Variants in LAMA2 observed in about 807,000 individuals in gnomAD.
The protein encoded by LAMA2 is laminin subunit alpha 2.
LAMA2 carries 269 observed loss-of-function variants against 364.8 expected under a neutral mutation model. The observed-to-expected ratio is 0.74, with a 90% CI of 0.67 to 0.82. The LOEUF (loss-of-function observed/expected upper bound fraction) is 0.82, where lower values mean the gene tolerates loss of function less well. Ranked by LOEUF, LAMA2 falls within the 40% of genes least tolerant of loss-of-function variation. The pLI is 0.00. For synonymous variants in LAMA2, 1,379 were observed against 1,370.6 expected (o/e 1.01, Z -0.14); for missense variants, 3,807 against 3,873.2 (o/e 0.98, Z 0.45).
chr6:129,190,151 C>T lies in LAMA2; in HGVS notation c.1468-54C>T, dbSNP rs954194356. On this transcript the variant is annotated intron_variant, in intron 10 of 64. Coordinates refer to ENST00000421865, the MANE Select transcript of LAMA2 (RefSeq NM_000426.4). ...TATTTTCCTTATACAGACATGGACG[C>T]AGCTCATAATGTTGAAGGATACCTC... The T allele has an allele frequency of 5.6e-5, 88 of 1,570,930 alleles. No homozygotes were observed. The African/African-American group carries it at 8.9e-4, about 16-fold the overall frequency.
At chr6:129,303,281 C>T (rs1167335415) in intron 22 of LAMA2, among the ~76,000 whole-genome samples, 2 of 152,036 alleles carry the variant, frequency 1.3e-5, no homozygotes, top group East Asian at 3.8e-4. Flanking sequence ...TATTTTTATA[C>T]CTTATCCTTC....
chr6:129,457,044 A>G (rs1270376797), intron 48 of LAMA2, among the ~76,000 whole-genome samples: 6 of 152,152 alleles, frequency 3.9e-5, no homozygotes, highest in African/African-American at 1.4e-4. Context: ...CCTTTTAAAG[A>G]AGCTTGTGTT....
chr6:129,136,064 C>G (rs1220777559), intron 4 of LAMA2, among the ~76,000 whole-genome samples: 1 of 151,688 alleles, frequency 6.6e-6, no homozygotes, highest in Non-Finnish European at 1.5e-5. Context: ...GGGAAATTTG[C>G]ATTTAGTAAT....
At position 129,030,575 on chromosome 6, in the gene LAMA2, G is replaced by C. The variant is rs1055691087; in HGVS notation, c.113-19343G>C. On this transcript the variant is annotated intron_variant, in intron 1 of 64. Transcript: ENST00000421865. ...TTTGTTGGAAGACTCAAGGGATAAAGTGAAAATGCTTTGTAGAGTTCAGTG... is the reference window on the plus strand; with the variant it reads ...TTTGTTGGAAGACTCAAGGGATAAACTGAAAATGCTTTGTAGAGTTCAGTG... Among the ~76,000 whole-genome samples, 4 of 152,152 alleles carry C rather than the reference G, an allele frequency of 2.6e-5. No individual in the cohort carries two copies. The East Asian group carries it at 5.8e-4, about 22-fold the overall frequency.
chr6:128,884,841 C>G (rs183011906), intron 1 of LAMA2, among the ~76,000 whole-genome samples: 24 of 152,202 alleles, frequency 1.6e-4, no homozygotes, highest in African/African-American at 5.8e-4. Flanking sequence ...AAATGAGGGG[C>G]CAGGGGCACC....
At chr6:129,032,706 A>C (rs747665402) in intron 1 of LAMA2, among the ~76,000 whole-genome samples, 1 of 152,308 alleles carries the variant, frequency 6.6e-6, no homozygotes, top group South Asian at 2.1e-4. Flanking sequence ...TCAGGAGGCT[A>C]TTGCAGATGT....
Position 129,173,738 on chromosome 6 carries a change from T to C in LAMA2, c.1307-3968T>C, listed in dbSNP as rs542500047. On this transcript the variant is annotated intron_variant, in intron 9 of 64. Transcript: ENST00000421865. ...CTCTGATAACTTATTTAGGAAAGAG[T>C]GTAAGATGTGGTCTCATGGTTTGCA... 3.9e-3 allele frequency among the ~76,000 whole-genome samples: 597 copies of C among 152,258 alleles called. 9 individuals carry two copies. The highest frequency in any genetic ancestry group is 0.014 in the African/African-American group (566 of 41,540).
intron 29 of LAMA2, among the ~76,000 whole-genome samples, chr6:129,339,538 G>C (rs971361293): frequency 3.3e-5 from 5 of 152,168 alleles, no homozygotes; most frequent in African/African-American, 9.7e-5. Flanking sequence ...ATTAACTGAA[G>C]TCATAGTAAT....
At chr6:129,282,342 C>A (rs1468995987) in intron 18 of LAMA2, among the ~76,000 whole-genome samples, 3 of 152,252 alleles carry the variant, frequency 2.0e-5, no homozygotes, top group Non-Finnish European at 4.4e-5. Context: ...TCAGGTGGGA[C>A]AAGAGTTATA....
intron 4 of LAMA2, among the ~76,000 whole-genome samples, chr6:129,107,577 G>C (rs1001155865): frequency 3.3e-5 from 5 of 152,042 alleles, no homozygotes; most frequent in African/African-American, 1.2e-4. Flanking sequence ...GGTTAATCCA[G>C]GGCCAAGTAG....
intron 1 of LAMA2, among the ~76,000 whole-genome samples, chr6:129,013,353 C>T (rs375497458): frequency 5.9e-4 from 89 of 151,982 alleles, no homozygotes; most frequent in African/African-American, 2.1e-3. Flanking sequence ...AGGAGAATGG[C>T]GGGAACCCGG....
At chr6:129,279,439 G>C (rs184353096) in intron 17 of LAMA2, among the ~76,000 whole-genome samples, 1 of 152,126 alleles carries the variant, frequency 6.6e-6, no homozygotes, top group Non-Finnish European at 1.5e-5. Flanking sequence ...ATGCCAGAGG[G>C]TATGAGATGG....
At chr6:129,097,311 T>C (rs1775245466) in intron 3 of LAMA2, among the ~76,000 whole-genome samples, 1 of 152,234 alleles carries the variant, frequency 6.6e-6, no homozygotes, top group Non-Finnish European at 1.5e-5. Flanking sequence ...CATTCCATAA[T>C]GTTTCTTCAC....
At chr6:129,512,801 C>G (rs553271665) in intron 63 of LAMA2, among the ~76,000 whole-genome samples, 3 of 152,290 alleles carry the variant, frequency 2.0e-5, no homozygotes, top group Admixed American at 6.5e-5. Flanking sequence ...TTATTCTCCT[C>G]TTAAGGAACA....
intron 9 of LAMA2, among the ~76,000 whole-genome samples, chr6:129,167,007 T>A (rs980286017): frequency 2.0e-5 from 3 of 152,158 alleles, no homozygotes; most frequent in Non-Finnish European, 4.4e-5. Flanking sequence ...TAATACTTAT[T>A]CCATATAATT....
chr6:128,949,340 G>A (rs930059807), intron 1 of LAMA2, among the ~76,000 whole-genome samples: 61 of 150,574 alleles, frequency 4.1e-4, no homozygotes, highest in African/African-American at 1.4e-3. Context: ...CCCTGCCCCA[G>A]CTCTCCTTTT....
chr6:129,160,380 G>A (rs772918663), intron 8 of LAMA2, among the ~76,000 whole-genome samples: 2 of 151,978 alleles, frequency 1.3e-5, no homozygotes, highest in African/African-American at 4.8e-5. Flanking sequence ...TTGGCAATTG[G>A]CAGTTTTAAA....
intron 40 of LAMA2, among the ~76,000 whole-genome samples, chr6:129,413,993 G>GCAAA (rs56977322): frequency 0.5 from 75,517 of 151,218 alleles, 19,276 homozygotes; most frequent in African/African-American, 0.61. Context: ...GAACAATTAA[G>GCAAA]CAAAGAGAGA....
Position 129,480,357 on chromosome 6 carries a change from G to A in LAMA2, c.7573-906G>A, listed in dbSNP as rs142332671. Among the ~76,000 whole-genome samples, 27 of 152,130 alleles carry A rather than the reference G, an allele frequency of 1.8e-4. No homozygotes were observed. In the East Asian group the frequency reaches 4.8e-3, roughly 27 times the overall value. Reference sequence around the variant, plus strand: ...GCACTTTAAATTCCTAACTACATGGGCTTGCTTAAATAAATACTAGCAAAT... The same window carrying A: ...GCACTTTAAATTCCTAACTACATGGACTTGCTTAAATAAATACTAGCAAAT... On this transcript the variant is annotated intron_variant, in intron 54 of 64. Coordinates refer to ENST00000421865, the MANE Select transcript of LAMA2 (RefSeq NM_000426.4).
Sources: gnomAD v4.1 joint callset for allele counts (sites outside exome capture counted in the v4.1 genomes callset) on GRCh38, gnomAD v4.1.1 for gene constraint, MANE v1.5 for transcripts, NCBI Gene and HGNC (gene_info 2026-07-23, HGNC 2026-07-21) for gene names.